The following TSPAN18 variants were observed in gnomAD, a reference collection of about 807,000 sequenced individuals.
TSPAN18 encodes tetraspanin 18.
A neutral mutation model predicts 27.3 loss-of-function variants in TSPAN18; 14 were observed. The observed-to-expected ratio is 0.51, with a 90% confidence interval of 0.34 to 0.80. The LOEUF is 0.80. Among genes scored for constraint, TSPAN18 ranks in the 30% least tolerant of loss-of-function variants. The pLI, the probability that TSPAN18 is intolerant of heterozygous loss-of-function variation, is 0.01. For missense variants in TSPAN18, 268 were observed against 323.9 expected (o/e 0.83, Z 1.32); for synonymous variants, 143 against 136.5 (o/e 1.05, Z -0.33).
chr11:44,737,789 C>T (rs1046353064), intron 1 of TSPAN18, among the ~76,000 whole-genome samples: 7 of 152,112 alleles, frequency 4.6e-5, no homozygotes, highest in African/African-American at 9.7e-5. Context: ...TTTCTTCTCT[C>T]GCCCCTACCT....
intron 1 of TSPAN18, among the ~76,000 whole-genome samples, chr11:44,743,504 ACAG>A (rs1174222104): frequency 6.6e-6 from 1 of 152,212 alleles, no homozygotes; most frequent in African/African-American, 2.4e-5. Context: ...ACATGGGACA[ACAG>A]CAGGCAAGTG....
chr11:44,762,936 C>T (rs1420309030), intron 1 of TSPAN18, among the ~76,000 whole-genome samples: 1 of 152,246 alleles, frequency 6.6e-6, no homozygotes, highest in South Asian at 2.1e-4. Context: ...AACGTGATAA[C>T]CACTACACTA....
intron 2 of TSPAN18, among the ~76,000 whole-genome samples, chr11:44,795,676 C>G (rs2135054602): frequency 3.6e-5 from 1 of 28,142 alleles, no homozygotes; most frequent in Non-Finnish European, 1.9e-4. Context: ...TTCTGGGGCC[C>G]AGACCCCATT....
intron 1 of TSPAN18, among the ~76,000 whole-genome samples, chr11:44,754,685 G>A (rs75724789): frequency 0.065 from 9,929 of 152,272 alleles, 495 homozygotes; most frequent in African/African-American, 0.14. Context: ...AATGAGTGCC[G>A]TGGCTTGGGC....
At chr11:44,749,698 G>A (rs915297303) in intron 1 of TSPAN18, among the ~76,000 whole-genome samples, 13 of 146,588 alleles carry the variant, frequency 8.9e-5, no homozygotes, top group African/African-American at 1.3e-4. Context: ...GTGCAGTGGC[G>A]CGATCTCGGC....
intron 3 of TSPAN18, among the ~76,000 whole-genome samples, chr11:44,894,351 A>G (rs1858961859): frequency 6.6e-6 from 1 of 152,200 alleles, no homozygotes; most frequent in African/African-American, 2.4e-5. Context: ...TCTCCTGGCC[A>G]GGGCACGTGC....
chr11:44,858,667 T>C (rs753114038), intron 2 of TSPAN18, among the ~76,000 whole-genome samples: 5 of 151,968 alleles, frequency 3.3e-5, no homozygotes, highest in African/African-American at 4.8e-5. Context: ...TGAGGGAGCA[T>C]GGAAGTTGGG....
At position 44,894,596 on chromosome 11, in the gene TSPAN18, G is replaced by A. The variant is rs567095474; in HGVS notation, c.-10-11811G>A. Among the ~76,000 whole-genome samples, 23 of 152,354 alleles carry A rather than the reference G, an allele frequency of 1.5e-4. No individual in the cohort carries two copies. In the South Asian group the frequency reaches 3.5e-3, roughly 23 times the overall value. On this transcript the variant is annotated intron_variant, in intron 3 of 9. Coordinates refer to ENST00000520358, the MANE Select transcript of TSPAN18 (RefSeq NM_130783.5). ...CCGCCATCTGGGCGACAGGAGGGGC[G>A]AGATTAATAAAGCTGTCTGGCCCGG...
Position 44,908,773 on chromosome 11 carries a change from A to AAGAAAGAAAGAAAGAG in TSPAN18, c.64-917_64-916insGAGAAAGAAAGAAAGA, listed in dbSNP as rs1230317393. Among the ~76,000 whole-genome samples the AAGAAAGAAAGAAAGAG allele has an allele frequency of 5.0e-5, 5 of 99,454 alleles. 1 individual carries two copies. Among genetic ancestry groups the AAGAAAGAAAGAAAGAG allele is most frequent in the Admixed American group, 1.0e-4 (1 of 10,032 alleles). 65.2% of individuals were successfully genotyped at this position (99,454 alleles called of 152,430 possible). Reference sequence around the variant, plus strand: ...GAGAGAGAGAGAGAGAGAAAGGAGAAAGAAAGAAAGAAAGAAAGAAAGAAA... The same window carrying AAGAAAGAAAGAAAGAG: ...GAGAGAGAGAGAGAGAGAAAGGAGAAAGAAAGAAAGAAAGAGAGAAAGAAAGAAAGAAAGAAAGAAA... On this transcript the variant is annotated intron_variant, in intron 4 of 9. Coordinates refer to ENST00000520358, the MANE Select transcript of TSPAN18 (RefSeq NM_130783.5).
intron 2 of TSPAN18, among the ~76,000 whole-genome samples, chr11:44,794,328 C>T (rs1187484096): frequency 2.6e-5 from 4 of 152,012 alleles, no homozygotes; most frequent in Admixed American, 2.0e-4. Flanking sequence ...TGTGTGTGCA[C>T]GTGTGGATGC....
At chr11:44,877,451 G>A (rs1237004652) in intron 3 of TSPAN18, among the ~76,000 whole-genome samples, 2 of 152,036 alleles carry the variant, frequency 1.3e-5, no homozygotes, top group South Asian at 2.1e-4. Context: ...TCCTGGCCCC[G>A]TTCTCCCATC....
rs549531639 is a variant in TSPAN18, at chr11:44,877,066, T to G, written c.-11+16597T>G. Reference sequence around the variant, plus strand: ...AAAGGAGGCCCAGAGGGAGGATCTTTGTGTGCACAAATGCAGCCTGTGGGA... The same window carrying G: ...AAAGGAGGCCCAGAGGGAGGATCTTGGTGTGCACAAATGCAGCCTGTGGGA... On this transcript the variant is annotated intron_variant, in intron 3 of 9. Transcript: ENST00000520358. Among the ~76,000 whole-genome samples, 8 of 152,330 alleles carry G rather than the reference T, an allele frequency of 5.3e-5. 1 individual carries two copies. The Middle Eastern group carries it at 0.01, about 194-fold the overall frequency.
At chr11:44,830,156 A>G (rs1857125880) in intron 2 of TSPAN18, among the ~76,000 whole-genome samples, 1 of 152,160 alleles carries the variant, frequency 6.6e-6, no homozygotes, top group Non-Finnish European at 1.5e-5. Flanking sequence ...AGGGGCACAC[A>G]GGGTGTTCCC....
chr11:44,734,745 G>T (rs1343327188), intron 1 of TSPAN18, among the ~76,000 whole-genome samples: 1 of 152,192 alleles, frequency 6.6e-6, no homozygotes, highest in African/African-American at 2.4e-5. Context: ...TCCCACAGTG[G>T]GTTCAGGGCT....
intron 4 of TSPAN18, among the ~76,000 whole-genome samples, chr11:44,907,581 G>T (rs1859498993): frequency 6.6e-6 from 1 of 151,994 alleles, no homozygotes. Flanking sequence ...TAGACCCAAG[G>T]TCACCACCTT....
intron 1 of TSPAN18, among the ~76,000 whole-genome samples, chr11:44,763,916 G>T (rs986579822): frequency 1.3e-5 from 2 of 152,126 alleles, no homozygotes; most frequent in African/African-American, 4.8e-5. Flanking sequence ...TATAAAAAAA[G>T]ATTTAATTGG....
intron 3 of TSPAN18, among the ~76,000 whole-genome samples, chr11:44,862,026 A>G (rs939495761): frequency 6.7e-6 from 1 of 149,788 alleles, no homozygotes; most frequent in Non-Finnish European, 1.5e-5. Flanking sequence ...CCCCACCTCC[A>G]CTCCTTCATG....
chr11:44,928,981 G>A (rs1860469285), intron 9 of TSPAN18, 150 bp from the exon 10 acceptor site: 1 of 990,624 alleles, frequency 1.0e-6, no homozygotes, highest in African/African-American at 1.6e-5. Flanking sequence ...CTGGTGAGAA[G>A]GGCTGGCCCC....
intron 8 of TSPAN18, among the ~76,000 whole-genome samples, chr11:44,924,896 TA>T (rs1554941459): frequency 6.6e-6 from 1 of 152,196 alleles, no homozygotes; most frequent in Non-Finnish European, 1.5e-5. Context: ...GTATAATTTT[TA>T]AAAAACTCGC....
Sources: allele counts gnomAD v4.1 joint callset (sites outside exome capture counted in the v4.1 genomes callset), GRCh38; gene constraint gnomAD v4.1.1; transcripts MANE v1.5; gene names NCBI Gene and HGNC (gene_info 2026-07-23, HGNC 2026-07-21).